The following TCF7 variants were observed in gnomAD, a reference collection of about 807,000 sequenced individuals.
TCF7 encodes the protein T-cell-factor-7.
In TCF7, 19 loss-of-function variants were observed where a neutral mutation model predicts 46.8. The ratio of observed to expected loss-of-function variants is 0.41; its 90% CI spans 0.28 to 0.60. TCF7 has a LOEUF of 0.60. TCF7 is among the 20% of genes least tolerant of loss of function. The probability of loss-of-function intolerance (pLI) is 0.35; values close to 1 mark genes in which losing one functional copy is unlikely to be tolerated. For synonymous variants in TCF7, 245 were observed against 213.4 expected (o/e 1.15, Z -1.29); for missense variants, 547 against 504.6 (o/e 1.08, Z -0.81).
Position 134,142,179 on chromosome 5 carries a change from C to T in TCF7, c.636-6C>T. The T allele has an allele frequency of 6.2e-7, 1 of 1,614,024 alleles. No homozygotes were observed. The highest frequency in any genetic ancestry group is 8.5e-7 in the Non-Finnish European group (1 of 1,179,894). On this transcript the variant is annotated splice_region_variant and splice_polypyrimidine_tract_variant and intron_variant, in intron 5 of 9. Coordinates refer to ENST00000342854, the MANE Select transcript of TCF7 (RefSeq NM_003202.5). ...GGCTCAGTGTTAACTTTCTTCCTGC[C>T]TCCAGGTTCACCCACCCATCCTTGA...
chr5:134,110,175 C>T (rs1755311600), upstream of TCF7, among the ~76,000 whole-genome samples: 1 of 152,218 alleles, frequency 6.6e-6, no homozygotes, highest in Admixed American at 6.5e-5. Context: ...TCATAATTTG[C>T]CCATCACCTC....
At chr5:134,137,436 A>AC (rs1250940236) in intron 3 of TCF7, among the ~76,000 whole-genome samples, 2 of 151,230 alleles carry the variant, frequency 1.3e-5, no homozygotes, top group African/African-American at 4.8e-5. Flanking sequence ...AAAAAAAAAA[A>AC]AAAAAAAAAA....
chr5:134,146,200 G>C (rs1308533480), intron 9 of TCF7, 24 bp from the exon 10 acceptor site: 1 of 1,614,054 alleles, frequency 6.2e-7, no homozygotes, highest in African/African-American at 1.3e-5. Flanking sequence ...TCTGTTTACA[G>C]ATAACTCTCT....
At chr5:134,129,599 C>T (rs1217001119) in intron 3 of TCF7, among the ~76,000 whole-genome samples, 1 of 152,232 alleles carries the variant, frequency 6.6e-6, no homozygotes, top group African/African-American at 2.4e-5. Flanking sequence ...ACATCCTGTC[C>T]TGAGGGGCGT....
chr5:134,117,162 T>C (rs1331829841), intron 3 of TCF7, among the ~76,000 whole-genome samples: 1 of 152,248 alleles, frequency 6.6e-6, no homozygotes, highest in Non-Finnish European at 1.5e-5. Context: ...TTTGGGCCCT[T>C]ATCTGTAAAA....
intron 3 of TCF7, among the ~76,000 whole-genome samples, chr5:134,137,443 A>C (rs1403418168): frequency 2.6e-5 from 4 of 151,284 alleles, no homozygotes; most frequent in Admixed American, 2.0e-4. Flanking sequence ...AAAAAAAAAA[A>C]AAAACAGAGA....
chr5:134,126,850 T>C (rs1053571533), intron 3 of TCF7, among the ~76,000 whole-genome samples: 1 of 151,526 alleles, frequency 6.6e-6, no homozygotes, highest in Non-Finnish European at 1.5e-5. Context: ...TGAGCCAAGA[T>C]TGCACCACTG....
At chr5:134,119,228 G>A (rs567525475) in intron 3 of TCF7, among the ~76,000 whole-genome samples, 2 of 152,334 alleles carry the variant, frequency 1.3e-5, no homozygotes, top group African/African-American at 2.4e-5. Flanking sequence ...CTTGGAGTCT[G>A]TAGCTTAGAC....
intron 9 of TCF7, chr5:134,144,826 C>A (rs760933147): frequency 1.2e-6 from 2 of 1,614,094 alleles, no homozygotes; most frequent in African/African-American, 2.7e-5. Flanking sequence ...ATGCCGTGCT[C>A]GCTTTGGCCT....
rs367728377 is a variant in TCF7 at position 134,145,691 on chromosome 5, G to A, written c.1076-533G>A. Reference sequence around the variant, plus strand: ...GTGTATCCACATACATATGCACGGTGGGAAACAACCCTGTCTTCAGGGGAA... The same window carrying A: ...GTGTATCCACATACATATGCACGGTAGGAAACAACCCTGTCTTCAGGGGAA... On this transcript the variant is annotated intron_variant, in intron 9 of 9. Coordinates refer to ENST00000342854, the MANE Select transcript of TCF7 (RefSeq NM_003202.5). The A allele has an allele frequency of 1.9e-5, 30 of 1,602,534 alleles. No homozygotes were observed. In the African/African-American group the frequency reaches 3.6e-4, roughly 19 times the overall value.
At chr5:134,115,867 C>T (rs55780420) in intron 2 of TCF7, 42 bp from the exon 3 acceptor site, 103,332 of 1,612,728 alleles carry the variant, frequency 0.064, 4,468 homozygotes, top group Admixed American at 0.18. Context: ...GTCCCAGCCG[C>T]TGCCAGGGCT....
chr5:134,135,328 G>C (rs1299493606), intron 3 of TCF7, among the ~76,000 whole-genome samples: 1 of 152,176 alleles, frequency 6.6e-6, no homozygotes, highest in Admixed American at 6.5e-5. Flanking sequence ...TTAGGCAGAA[G>C]TGACACGATC....
chr5:134,109,462 G>A, the TCF7 span, among the ~76,000 whole-genome samples: 1 of 152,070 alleles, frequency 6.6e-6, no homozygotes, highest in African/African-American at 2.4e-5. Context: ...AGCTCTTCAT[G>A]GCATCCTTAG....
chr5:134,122,775 T>G (rs1331487874), intron 3 of TCF7, among the ~76,000 whole-genome samples: 2 of 152,130 alleles, frequency 1.3e-5, no homozygotes, highest in African/African-American at 2.4e-5. Context: ...CAAACAAGGC[T>G]CTGGTGGAGG....
intron 9 of TCF7, chr5:134,144,971 C>T (rs544448027): frequency 4.6e-5 from 47 of 1,015,768 alleles, no homozygotes; most frequent in Non-Finnish European, 6.8e-5. Flanking sequence ...GCCCCTCAGC[C>T]CACTAGCATA....
At chr5:134,110,651 G>A (rs1409026151), upstream of TCF7, among the ~76,000 whole-genome samples, 9 of 152,242 alleles carry the variant, frequency 5.9e-5, no homozygotes, top group Admixed American at 4.6e-4. Context: ...CCAGCCTCCC[G>A]GCGGCTTTGG....
At chr5:134,143,875 T>G (rs1580901225) in intron 9 of TCF7, 1 of 544,848 alleles carries the variant, frequency 1.8e-6, no homozygotes, top group Admixed American at 3.2e-5. Flanking sequence ...AGAATTGGAG[T>G]AGATGGTGCG....
At chr5:134,115,489 C>G in intron 2 of TCF7, 102 bp downstream of exon 2, 3 of 1,502,014 alleles carry the variant, frequency 2.0e-6, no homozygotes, top group Non-Finnish European at 2.7e-6. Flanking sequence ...CCTCCCCCAC[C>G]GCAGCTCAGG....
At chr5:134,145,590 AG>A (rs1367381863) in intron 9 of TCF7, 2 of 786,006 alleles carry the variant, frequency 2.5e-6, no homozygotes, top group Non-Finnish European at 4.1e-6. Flanking sequence ...ACTGGCTCTA[AG>A]GAACACTTGT....
Sources: gnomAD v4.1 joint callset for allele counts (sites outside exome capture counted in the v4.1 genomes callset) on GRCh38, gnomAD v4.1.1 for gene constraint, MANE v1.5 for transcripts, NCBI Gene and HGNC (gene_info 2026-07-23, HGNC 2026-07-21) for gene names.